The following MAGI2 variants were observed in gnomAD, a reference collection of about 807,000 sequenced individuals.
MAGI2 encodes the protein membrane associated guanylate kinase, WW and PDZ domain containing 2.
A neutral mutation model predicts 133.3 loss-of-function variants in MAGI2; 35 were observed. That is an observed-to-expected ratio of 0.26 (90% CI 0.20 to 0.35). The LOEUF is 0.35. MAGI2 is among the 10% of genes least tolerant of loss of function. The pLI is 1.00. For synonymous variants in MAGI2, 729 were observed against 710.6 expected (o/e 1.03, Z -0.41); for missense variants, 1,636 against 1,863.4 (o/e 0.88, Z 2.25).
chr7:78,845,353 C>T (rs1792500355), intron 2 of MAGI2, among the ~76,000 whole-genome samples: 1 of 151,830 alleles, frequency 6.6e-6, no homozygotes, highest in Non-Finnish European at 1.5e-5. Flanking sequence ...GATTTATCTC[C>T]ATTTTAGTGA....
In MAGI2 at chr7:78,194,953, G is replaced by A. The variant is rs1196100143; in HGVS notation, c.2190C>T (p.Asp730=). The A allele has an allele frequency of 2.5e-6, 4 of 1,614,022 alleles. No individual in the cohort carries two copies. Among genetic ancestry groups the A allele is most frequent in the Non-Finnish European group, 3.4e-6 (4 of 1,180,010 alleles). The part of the protein sequence containing the change: ...PPALHRSSFP[D]STEAFDPRKP... ...TCCGTGGGTCAAAGGCCTCTGTTGA[G>A]TCAGGAAAGGAGCTCCTGTGAAGGG... Residue 730 remains aspartate, a synonymous_variant, in exon 12 of 22, where the codon GAC becomes GAT. Transcript: ENST00000354212.
intron 6 of MAGI2, among the ~76,000 whole-genome samples, chr7:78,398,523 C>T (rs978023654): frequency 6.6e-6 from 1 of 152,162 alleles, no homozygotes; most frequent in Admixed American, 6.5e-5. Context: ...TATAGACCCC[C>T]GACCTCCCTT....
intron 12 of MAGI2, among the ~76,000 whole-genome samples, chr7:78,191,706 C>G (rs1460998954): frequency 6.6e-6 from 1 of 152,174 alleles, no homozygotes; most frequent in African/African-American, 2.4e-5. Flanking sequence ...CCCAGCTCAT[C>G]TTGAGATCTC....
In MAGI2 at chr7:78,428,074, G is replaced by A. The variant is rs1799459210; in HGVS notation, c.1046-58861C>T. On this transcript the variant is annotated intron_variant, in intron 6 of 21. Coordinates refer to ENST00000354212, the MANE Select transcript of MAGI2 (RefSeq NM_012301.4). ...GAAAACAGGAACGCATCGTAACAGA[G>A]TCTTCTGTAATTATATTTAATGATT... Among the ~76,000 whole-genome samples, 3 of 152,270 alleles carry A rather than the reference G, an allele frequency of 2.0e-5. No homozygotes were observed. In the South Asian group the frequency reaches 6.2e-4, roughly 32 times the overall value.
At chr7:78,056,882 C>T (rs543922046) in intron 21 of MAGI2, among the ~76,000 whole-genome samples, 9 of 152,192 alleles carry the variant, frequency 5.9e-5, no homozygotes, top group African/African-American at 1.9e-4. Context: ...ACACACACAT[C>T]CCTCCCACAT....
chr7:78,739,362 A>G (rs150697837), intron 2 of MAGI2, among the ~76,000 whole-genome samples: 126 of 152,342 alleles, frequency 8.3e-4, no homozygotes, highest in African/African-American at 2.9e-3. Context: ...AAACTTAGAA[A>G]CAAAGATAAG....
At chr7:79,265,028 A>G (rs957648514) in intron 1 of MAGI2, among the ~76,000 whole-genome samples, 6 of 152,154 alleles carry the variant, frequency 3.9e-5, no homozygotes, top group African/African-American at 1.4e-4. Flanking sequence ...TCCACCTCCA[A>G]CATTGGGGAT....
At chr7:78,770,549 CACTA>C (rs2151318925) in intron 2 of MAGI2, among the ~76,000 whole-genome samples, 1 of 152,316 alleles carries the variant, frequency 6.6e-6, no homozygotes, top group African/African-American at 2.4e-5. Flanking sequence ...TGGAGCAAAA[CACTA>C]ACTGTTCTCC....
intron 21 of MAGI2, among the ~76,000 whole-genome samples, chr7:78,036,540 T>C (rs1810245842): frequency 6.6e-6 from 1 of 152,230 alleles, no homozygotes; most frequent in South Asian, 2.1e-4. Flanking sequence ...CTGTTTTTAT[T>C]ACACAGATGA....
At chr7:78,110,663 A>C (rs1452945820) in intron 20 of MAGI2, among the ~76,000 whole-genome samples, 1 of 152,182 alleles carries the variant, frequency 6.6e-6, no homozygotes, top group African/African-American at 2.4e-5. Context: ...ATTAAAAAAG[A>C]AATATTTTGT....
intron 20 of MAGI2, among the ~76,000 whole-genome samples, chr7:78,104,316 G>A (rs1818464799): frequency 6.6e-6 from 1 of 151,974 alleles, no homozygotes; most frequent in South Asian, 2.1e-4. Flanking sequence ...TCCGCCTCCT[G>A]GGTTCGCGCC....
intron 1 of MAGI2, among the ~76,000 whole-genome samples, chr7:79,444,173 A>C (rs942101552): frequency 6.6e-6 from 1 of 152,208 alleles, no homozygotes; most frequent in Non-Finnish European, 1.5e-5. Flanking sequence ...TCAAAATAAT[A>C]AGAGCTATCT....
intron 6 of MAGI2, among the ~76,000 whole-genome samples, chr7:78,438,471 T>C (rs1056868921): frequency 1.4e-4 from 22 of 152,130 alleles, no homozygotes; most frequent in Non-Finnish European, 2.9e-4. Flanking sequence ...CAAGGACATT[T>C]CACCAAAACA....
chr7:78,322,799 T>A (rs1387335015), intron 9 of MAGI2, among the ~76,000 whole-genome samples: 1 of 151,918 alleles, frequency 6.6e-6, no homozygotes, highest in Non-Finnish European at 1.5e-5. Flanking sequence ...ATGATGAAAA[T>A]GTGTTGTTAA....
chr7:78,497,026 A>C (rs189433277), intron 5 of MAGI2, among the ~76,000 whole-genome samples: 2 of 152,324 alleles, frequency 1.3e-5, no homozygotes, highest in Admixed American at 1.3e-4. Flanking sequence ...AACGCTTAAC[A>C]GATGAACTAT....
At chr7:79,306,616 G>A (rs565240371) in intron 1 of MAGI2, among the ~76,000 whole-genome samples, 45 of 151,638 alleles carry the variant, frequency 3.0e-4, no homozygotes, top group Admixed American at 2.2e-3. Flanking sequence ...TTTTTCTTTC[G>A]TTTTTGCATA....
At chr7:78,094,296 C>T (rs1333357144) in intron 20 of MAGI2, among the ~76,000 whole-genome samples, 1 of 152,162 alleles carries the variant, frequency 6.6e-6, no homozygotes, top group Non-Finnish European at 1.5e-5. Context: ...GTTCTTGGTT[C>T]CTGCCTTAAA....
rs73364715 is a variant in MAGI2, at chr7:78,108,027, T to G, written c.3567+17667A>C. Among the ~76,000 whole-genome samples, 419 of 152,042 alleles carry G rather than the reference T, an allele frequency of 2.8e-3. 2 individuals are homozygous for G. Among genetic ancestry groups the G allele is most frequent in the African/African-American group, 9.6e-3 (400 of 41,564 alleles). Reference sequence around the variant, plus strand: ...TTCTTCTACTAATTTTGGGTTTGATTTTGTCATGCTTTTCTAATTCTTTAA... The same window carrying G: ...TTCTTCTACTAATTTTGGGTTTGATGTTGTCATGCTTTTCTAATTCTTTAA... On this transcript the variant is annotated intron_variant, in intron 20 of 21. Coordinates refer to ENST00000354212, the MANE Select transcript of MAGI2 (RefSeq NM_012301.4).
intron 7 of MAGI2, among the ~76,000 whole-genome samples, chr7:78,360,415 GT>G (rs1405655848): frequency 3.9e-5 from 6 of 152,192 alleles, no homozygotes; most frequent in Non-Finnish European, 7.3e-5. Flanking sequence ...TTCACTTTAT[GT>G]GCTAACTTTA....
Sources: allele counts gnomAD v4.1 joint callset (sites outside exome capture counted in the v4.1 genomes callset), GRCh38; gene constraint gnomAD v4.1.1; transcripts MANE v1.5; gene names NCBI Gene and HGNC (gene_info 2026-07-23, HGNC 2026-07-21).